ZNF790: variants seen among roughly 807,000 people sequenced by gnomAD.
ZNF790 encodes the protein zinc finger protein 790.
Under a neutral mutation model 12.1 loss-of-function variants are expected in ZNF790, and 8 were observed. That is an observed-to-expected ratio of 0.66 (90% CI 0.39 to 1.19). The LOEUF (loss-of-function observed/expected upper bound fraction) is 1.19, where lower values mean the gene tolerates loss of function less well. Among genes scored for constraint, ZNF790 ranks in the 50% most tolerant of loss-of-function variants. The pLI is 0.01. For synonymous variants in ZNF790, 252 were observed against 244.3 expected, an observed-to-expected ratio of 1.03 and a Z score of -0.29; for missense variants, 707 against 752.2, an observed-to-expected ratio of 0.94 and a Z score of 0.70.
chr19:36,827,098 G>A (rs1249327406), intron 1 of ZNF790, among the ~76,000 whole-genome samples: 6 of 126,346 alleles, frequency 4.7e-5, no homozygotes, highest in Admixed American at 1.7e-4. Context: ...ATATGTGTGT[G>A]TGTGTATATA....
chr19:36,832,395 T>TA (rs1381429102), intron 1 of ZNF790, among the ~76,000 whole-genome samples: 18 of 152,178 alleles, frequency 1.2e-4, no homozygotes, highest in Non-Finnish European at 1.9e-4. Flanking sequence ...GCGGAAATGA[T>TA]AGAGTATGAG....
intron 2 of ZNF790, among the ~76,000 whole-genome samples, chr19:36,825,380 T>C (rs778275226): frequency 6.6e-6 from 1 of 152,226 alleles, no homozygotes; most frequent in Non-Finnish European, 1.5e-5. Context: ...TCTTCTTCAG[T>C]GCTCTGCCAG....
intron 1 of ZNF790, among the ~76,000 whole-genome samples, chr19:36,826,268 G>A (rs1476629981): frequency 6.6e-6 from 1 of 152,024 alleles, no homozygotes; most frequent in Non-Finnish European, 1.5e-5. Flanking sequence ...AGTAGTCAGT[G>A]TTGTGAAGCA....
At chr19:36,831,389 C>T (rs1228948857) in intron 1 of ZNF790, among the ~76,000 whole-genome samples, 1 of 151,958 alleles carries the variant, frequency 6.6e-6, no homozygotes, top group Non-Finnish European at 1.5e-5. Flanking sequence ...GAATTCAAGA[C>T]TGAAAGAGAA....
At chr19:36,839,709 T>C (rs1014590476), upstream of ZNF790, among the ~76,000 whole-genome samples, 5 of 152,206 alleles carry the variant, frequency 3.3e-5, no homozygotes, top group African/African-American at 1.2e-4. Context: ...TCATTTCTGA[T>C]ACCCAGCTCC....
rs757054674 is a variant in ZNF790, at chr19:36,819,113, G to C, written c.1231C>G (p.Arg411Gly). The C allele has an allele frequency of 1.2e-5, 20 of 1,613,252 alleles. No homozygotes were observed. The highest frequency in any genetic ancestry group is 1.7e-5 in the Admixed American group (1 of 59,872). The change falls in exon 5 of 5, where the codon CGA (arginine) becomes GGA (glycine). Residue 411 changes from arginine (R) to glycine (G), a missense_variant. Arg to Gly is a moderately radical substitution (Grantham distance 125). Transcript: ENST00000356725. Reference sequence around the variant, plus strand: ...CTGCCAGTATGAATTCGCTGATGTCGAGCAAGGTGTGAGCTCCAAATATAG... The same window carrying C: ...CTGCCAGTATGAATTCGCTGATGTCCAGCAAGGTGTGAGCTCCAAATATAG... ...KAYIWSSHLA[R>G]HQRIHTGRKP...
chr19:36,833,419 A>C (rs1000114845), intron 1 of ZNF790, among the ~76,000 whole-genome samples: 3 of 152,238 alleles, frequency 2.0e-5, no homozygotes, highest in African/African-American at 7.2e-5. Flanking sequence ...CTGGGAATAC[A>C]GGCATGAGCC....
chr19:36,847,051 T>C (rs1181855886), intron 1 of ZNF790, among the ~76,000 whole-genome samples: 1 of 152,154 alleles, frequency 6.6e-6, no homozygotes, highest in Admixed American at 6.6e-5. Context: ...AACAGAGTAT[T>C]TTCTGTTAAA....
chr19:36,833,980 T>C (rs1238304897), intron 1 of ZNF790, among the ~76,000 whole-genome samples: 1 of 152,182 alleles, frequency 6.6e-6, no homozygotes, highest in East Asian at 1.9e-4. Context: ...TGGTGGCTTA[T>C]GCCTGTAATT....
At chr19:36,846,172 A>T (rs996253596) in intron 1 of ZNF790, among the ~76,000 whole-genome samples, 2 of 152,068 alleles carry the variant, frequency 1.3e-5, no homozygotes, top group Non-Finnish European at 2.9e-5. Context: ...CACTTCCCCA[A>T]CTAGAATGGT....
intron 1 of ZNF790, among the ~76,000 whole-genome samples, chr19:36,837,285 A>G (rs2072065483): frequency 6.6e-6 from 1 of 152,050 alleles, no homozygotes; most frequent in Non-Finnish European, 1.5e-5. Flanking sequence ...ATCTTCAACC[A>G]CTTCCTTGAA....
At chr19:36,825,057 G>A (rs2071767584) in intron 2 of ZNF790, among the ~76,000 whole-genome samples, 1 of 152,134 alleles carries the variant, frequency 6.6e-6, no homozygotes, top group African/African-American at 2.4e-5. Context: ...CCACTGAGAG[G>A]CTATACCAGC....
Position 36,818,370 on chromosome 19 carries a change from A to G in ZNF790, c.*63T>C. On this transcript the variant is annotated 3_prime_UTR_variant, in exon 5 of 5. Transcript: ENST00000356725. Reference sequence around the variant, plus strand: ...CATTTGTGGTGTTCCTCAAGAGAAAAAAATAAATGACATCAATTAATGAGT... The same window carrying G: ...CATTTGTGGTGTTCCTCAAGAGAAAGAAATAAATGACATCAATTAATGAGT... The G allele has an allele frequency of 6.9e-7, 1 of 1,442,736 alleles. No homozygotes were observed. The highest frequency in any genetic ancestry group is 9.2e-7 in the Non-Finnish European group (1 of 1,087,280). The allele number at this position is 1,442,736 out of a possible 1,614,324, so 89.4% of individuals were successfully genotyped here.
At chr19:36,829,524 C>T (rs2071902841) in intron 1 of ZNF790, among the ~76,000 whole-genome samples, 1 of 152,134 alleles carries the variant, frequency 6.6e-6, no homozygotes, top group South Asian at 2.1e-4. Context: ...TTTTGTCTAC[C>T]CATTCGTCTA....
chr19:36,818,551 A>C lies in ZNF790; in HGVS notation c.1793T>G (p.Phe598Cys). 4.4e-6 allele frequency: 7 copies of C among 1,608,406 alleles called. No individual in the cohort carries two copies. The highest frequency in any genetic ancestry group is 6.0e-6 in the Non-Finnish European group (7 of 1,175,114). The change falls in exon 5 of 5, where the codon TTT (phenylalanine) becomes TGT (cysteine). Residue 598 changes from phenylalanine (F) to cysteine (C), a missense_variant. By Grantham distance (205) the Phe-to-Cys change is radical. Transcript: ENST00000356725. ...LCEWTDYGNT[F>C]SHESNFAQHQ... ...TTGAGCAAAGTTTGACTCATGACTA[A>C]AGGTGTTCCCATAGTCTGTCCATTC...
At chr19:36,845,026 C>A (rs1486755177) in intron 1 of ZNF790, among the ~76,000 whole-genome samples, 1 of 103,560 alleles carries the variant, frequency 9.7e-6, no homozygotes, top group Non-Finnish European at 1.7e-5. Flanking sequence ...CCAGCCTGGG[C>A]GACAGAGCGA....
chr19:36,828,416 T>C (rs1196581463), intron 1 of ZNF790, among the ~76,000 whole-genome samples: 2 of 150,592 alleles, frequency 1.3e-5, no homozygotes, highest in Non-Finnish European at 2.9e-5. Flanking sequence ...TGAGCTGAGA[T>C]CGTGCCATTG....
upstream of ZNF790, among the ~76,000 whole-genome samples, chr19:36,840,986 T>C (rs973039975): frequency 2.0e-5 from 3 of 151,808 alleles, no homozygotes; most frequent in Non-Finnish European, 4.4e-5. Flanking sequence ...CCTCAAAAAT[T>C]AAAAGAAAAG....
At chr19:36,850,262 C>G (rs2072233865) in exon 1 of ZNF790, 1 of 152,272 alleles carries the variant, frequency 6.6e-6, no homozygotes, top group African/African-American at 2.4e-5. Flanking sequence ...CCCATCTATC[C>G]CCGGCGAGGC....
Sources: gnomAD v4.1 joint callset for allele counts (sites outside exome capture counted in the v4.1 genomes callset) on GRCh38, gnomAD v4.1.1 for gene constraint, MANE v1.5 for transcripts, NCBI Gene and HGNC (gene_info 2026-07-23, HGNC 2026-07-21) for gene names.